The following RPRD1A variants were observed in gnomAD, a reference collection of about 807,000 sequenced individuals.
The protein encoded by RPRD1A is regulation of nuclear pre-mRNA domain-containing protein 1A.
Under a neutral mutation model 37.8 loss-of-function variants are expected in RPRD1A, and 9 were observed. The observed-to-expected ratio is 0.24, with a 90% CI of 0.14 to 0.42. RPRD1A has a LOEUF of 0.42. Ranked by LOEUF, RPRD1A falls within the 10% of genes least tolerant of loss-of-function variation. The pLI, the probability that RPRD1A is intolerant of heterozygous loss-of-function variation, is 1.00. For synonymous variants in RPRD1A, 138 were observed against 139.7 expected, an observed-to-expected ratio of 0.99 and a Z score of 0.08; for missense variants, 255 against 371.0, an observed-to-expected ratio of 0.69 and a Z score of 2.57.
chr18:35,993,028 A>T lies in RPRD1A; in HGVS notation c.*123T>A. 1.3e-6 allele frequency: 1 copy of T among 755,842 alleles called. No individual in the cohort carries two copies. The highest frequency in any genetic ancestry group is 1.9e-6 in the Non-Finnish European group (1 of 517,450). The allele number at this position is 755,842 out of a possible 1,614,324, so 46.8% of individuals were successfully genotyped here. A position where few individuals can be genotyped will look rare whatever the true frequency, so the allele number is the denominator to read the frequency against. On this transcript the variant is annotated 3_prime_UTR_variant, in exon 7 of 7. Coordinates refer to ENST00000399022, the MANE Select transcript of RPRD1A (RefSeq NM_018170.5). ...AACATTTTAAACAATTTTATAAATT[A>T]CTCGTTGTTCCTTTTGTTAGTGTTT...
At chr18:36,060,036 G>A (rs1194059202) in intron 1 of RPRD1A, among the ~76,000 whole-genome samples, 1 of 152,094 alleles carries the variant, frequency 6.6e-6, no homozygotes, top group African/African-American at 2.4e-5. Flanking sequence ...AGAGAAACAA[G>A]TAACAGTATC....
Position 36,033,846 on chromosome 18 carries a change from TAAGA to T in RPRD1A, c.152-13_152-10del. On this transcript the variant is annotated splice_polypyrimidine_tract_variant and intron_variant, in intron 1 of 6. Coordinates refer to ENST00000399022, the MANE Select transcript of RPRD1A (RefSeq NM_018170.5). ...CTTCCTGTTTGGTTTGGCTGAAAAA[TAAGA>T]AAAAGTTAAAAATCTACTTAAAACA... 1 of 1,591,946 alleles carries T rather than the reference TAAGA, an allele frequency of 6.3e-7. No homozygotes were observed.
At chr18:36,031,890 T>G (rs1911818989) in intron 2 of RPRD1A, among the ~76,000 whole-genome samples, 2 of 152,242 alleles carry the variant, frequency 1.3e-5, no homozygotes, top group South Asian at 2.1e-4. Context: ...CCACATGCTC[T>G]GCTTTCTGGC....
chr18:36,057,800 T>C (rs1302701811), intron 1 of RPRD1A, among the ~76,000 whole-genome samples: 1 of 152,216 alleles, frequency 6.6e-6, no homozygotes, highest in African/African-American at 2.4e-5. Context: ...TAGTAAATTC[T>C]ACATATACTT....
chr18:36,028,782 G>A (rs941342106), intron 4 of RPRD1A, among the ~76,000 whole-genome samples: 6 of 152,110 alleles, frequency 3.9e-5, no homozygotes, highest in African/African-American at 1.4e-4. Flanking sequence ...AGACCACAAA[G>A]CTGAACCATT....
At chr18:36,049,340 T>C (rs528797309) in intron 1 of RPRD1A, among the ~76,000 whole-genome samples, 1 of 152,210 alleles carries the variant, frequency 6.6e-6, no homozygotes, top group Non-Finnish European at 1.5e-5. Context: ...AAACTGTGTG[T>C]GGCATTAAAA....
intron 6 of RPRD1A, among the ~76,000 whole-genome samples, chr18:36,004,258 T>C (rs1387774443): frequency 2.6e-5 from 4 of 151,912 alleles, no homozygotes; most frequent in African/African-American, 9.7e-5. Flanking sequence ...CTTCCAATCT[T>C]ATTTTCTTTT....
In RPRD1A at chr18:35,992,210, G is replaced by C. The variant is rs977826052; in HGVS notation, c.*941C>G. On this transcript the variant is annotated 3_prime_UTR_variant, in exon 7 of 7. Transcript: ENST00000399022. ...TCAGGCTACTTTACTGAACATTAAC[G>C]AATATTGTGTTCTTGAGCTATTAGA... is the stretch of plus-strand genomic sequence containing the variant. The C allele has an allele frequency of 5.9e-5, 9 of 152,544 alleles. No individual in the cohort carries two copies. Among genetic ancestry groups the C allele is most frequent in the African/African-American group, 2.2e-4 (9 of 41,422 alleles). 9.4% of individuals were successfully genotyped at this position (152,544 alleles called of 1,614,324 possible).
intron 1 of RPRD1A, among the ~76,000 whole-genome samples, chr18:36,044,747 A>G (rs1912832116): frequency 6.6e-6 from 1 of 151,934 alleles, no homozygotes; most frequent in South Asian, 2.1e-4. Flanking sequence ...TCTGGCAAAT[A>G]AAAGCAGGAA....
Position 36,067,419 on chromosome 18 carries a change from G to C in RPRD1A, c.-15C>G, listed in dbSNP as rs763225200. Reference sequence around the variant, plus strand: ...AAGGCTGACATCCCTCCGACACCACGTTCACGCCGTCCCACGCGGTGGGGC... The same window carrying C: ...AAGGCTGACATCCCTCCGACACCACCTTCACGCCGTCCCACGCGGTGGGGC... On this transcript the variant is annotated 5_prime_UTR_variant, in exon 1 of 7. Transcript: ENST00000399022. The C allele has an allele frequency of 1.9e-6, 3 of 1,601,644 alleles. No individual in the cohort carries two copies. Among genetic ancestry groups the C allele is most frequent in the Admixed American group, 3.4e-5 (2 of 58,294 alleles).
Position 36,033,852 on chromosome 18 carries a change from A to AAAGTTAAAATTT in RPRD1A, c.152-16_152-15insAAATTTTAACTT. 6.3e-7 allele frequency: 1 copy of AAAGTTAAAATTT among 1,590,498 alleles called. No homozygotes were observed. Among genetic ancestry groups the AAAGTTAAAATTT allele is most frequent in the Non-Finnish European group, 8.5e-7 (1 of 1,170,766 alleles). ...GTTTGGTTTGGCTGAAAAATAAGAA[A>AAAGTTAAAATTT]AAGTTAAAAATCTACTTAAAACATC... On this transcript the variant is annotated splice_polypyrimidine_tract_variant and intron_variant, in intron 1 of 6. Transcript: ENST00000399022.
intron 1 of RPRD1A, chr18:36,062,976 A>T (rs1261010600): frequency 6.6e-6 from 1 of 152,226 alleles, no homozygotes; most frequent in Non-Finnish European, 1.5e-5. Context: ...ATGGTCACTT[A>T]CATTTTTGGT....
Position 36,031,099 on chromosome 18 carries a change from TAAAA to T in RPRD1A, c.282-6_282-3del, listed in dbSNP as rs377216293. On this transcript the variant is annotated splice_polypyrimidine_tract_variant and splice_region_variant and intron_variant, in intron 2 of 6. Transcript: ENST00000399022. ...TTCTTACAACTTTCATCAGTTTCAC[TAAAA>T]AAAAAAAAAAAGAAAAAAAGAAAAA... The T allele has an allele frequency of 2.1e-4, 287 of 1,370,048 alleles. No homozygotes were observed. Among genetic ancestry groups the T allele is most frequent in the Admixed American group, 8.7e-4 (25 of 28,706 alleles). 84.9% of individuals were successfully genotyped at this position (1,370,048 alleles called of 1,614,324 possible). A position where few individuals can be genotyped will look rare whatever the true frequency, so the allele number is the denominator to read the frequency against.
intron 6 of RPRD1A, among the ~76,000 whole-genome samples, chr18:35,996,913 G>A (rs1909096440): frequency 6.8e-6 from 1 of 148,036 alleles, no homozygotes; most frequent in South Asian, 2.1e-4. Context: ...AGGAGGTCGA[G>A]GCTGCAATAA....
intron 6 of RPRD1A, among the ~76,000 whole-genome samples, chr18:36,018,205 TATC>T (rs1433361169): frequency 1.3e-5 from 2 of 152,118 alleles, no homozygotes; most frequent in Non-Finnish European, 2.9e-5. Context: ...TTTATTAAAG[TATC>T]ATTCTTTTCT....
At chr18:36,023,794 A>AT in intron 6 of RPRD1A, among the ~76,000 whole-genome samples, 1 of 152,358 alleles carries the variant, frequency 6.6e-6, no homozygotes, top group East Asian at 1.9e-4. Flanking sequence ...GGCTCAGATG[A>AT]TTAGTCTTTT....
chr18:36,006,903 C>G (rs1233682949), intron 6 of RPRD1A, among the ~76,000 whole-genome samples: 1 of 152,080 alleles, frequency 6.6e-6, no homozygotes, highest in Admixed American at 6.6e-5. Flanking sequence ...GACAGAGAGT[C>G]GAGGAAAAAG....
Position 36,027,294 on chromosome 18 carries a change from C to G in RPRD1A, c.503G>C (p.Arg168Thr). The change falls in exon 5 of 7, where the codon AGA becomes ACA. Residue 168 changes from arginine (R) to threonine (T), a missense_variant. Physicochemically the swap from Arg to Thr is moderately conservative, Grantham distance 71. Coordinates refer to ENST00000399022, the MANE Select transcript of RPRD1A (RefSeq NM_018170.5). ...SEPPQTLDLV[R>T]ALQDLENAAS... is the part of the protein sequence containing the mutation. ...TGCATTTTCCAGATCTTGTAATGCT[C>G]TAACGAGATCTAGAGTCTAAAAAGT... The G allele has an allele frequency of 1.2e-6, 2 of 1,613,864 alleles. No individual in the cohort carries two copies. Among genetic ancestry groups the G allele is most frequent in the Non-Finnish European group, 1.7e-6 (2 of 1,179,808 alleles).
intron 6 of RPRD1A, among the ~76,000 whole-genome samples, chr18:36,002,085 G>C (rs994091552): frequency 2.0e-5 from 3 of 147,904 alleles, no homozygotes; most frequent in Non-Finnish European, 4.5e-5. Context: ...CCTAAGTAGA[G>C]ATTGTAGGCA....
Sources: gnomAD v4.1 joint callset for allele counts (sites outside exome capture counted in the v4.1 genomes callset) on GRCh38, gnomAD v4.1.1 for gene constraint, MANE v1.5 for transcripts, NCBI Gene and HGNC (gene_info 2026-07-23, HGNC 2026-07-21) for gene names.